Variants in GPR158 observed in about 807,000 individuals in gnomAD.
GPR158 encodes metabotropic glycine receptor.
GPR158 carries 30 observed loss-of-function variants against 78.2 expected under a neutral mutation model. The ratio of observed to expected loss-of-function variants is 0.38; its 90% CI spans 0.29 to 0.52. The LOEUF (loss-of-function observed/expected upper bound fraction) is 0.52, where lower values mean the gene tolerates loss of function less well. GPR158 is among the 20% of genes least tolerant of loss of function. GPR158 has a pLI of 0.83. For synonymous variants in GPR158, 581 were observed against 591.1 expected, an observed-to-expected ratio of 0.98 and a Z score of 0.25; for missense variants, 1,463 against 1,523.5, an observed-to-expected ratio of 0.96 and a Z score of 0.66.
At chr10:25,348,394 A>AACAC (rs1428933193) in intron 2 of GPR158, among the ~76,000 whole-genome samples, 1 of 101,372 alleles carries the variant, frequency 9.9e-6, no homozygotes, top group South Asian at 3.3e-4. Flanking sequence ...TTTAGGAAGA[A>AACAC]AGACACACAC....
intron 5 of GPR158, among the ~76,000 whole-genome samples, chr10:25,536,642 C>T (rs572629535): frequency 2.4e-4 from 36 of 152,240 alleles, no homozygotes; most frequent in African/African-American, 8.7e-4. Context: ...ACCTCTCTGC[C>T]AAATATCTTA....
At chr10:25,554,042 A>T (rs202048715) in intron 6 of GPR158, among the ~76,000 whole-genome samples, 1 of 152,164 alleles carries the variant, frequency 6.6e-6, no homozygotes, top group East Asian at 1.9e-4. Flanking sequence ...GAAATGGATT[A>T]TGGCTAAATT....
At chr10:25,378,905 C>G (rs1834119360) in intron 2 of GPR158, among the ~76,000 whole-genome samples, 1 of 152,138 alleles carries the variant, frequency 6.6e-6, no homozygotes, top group Non-Finnish European at 1.5e-5. Context: ...GATCCTCCTA[C>G]TTCAGCCCCG....
chr10:25,410,617 A>AAAATAAAT (rs967773293), intron 3 of GPR158, among the ~76,000 whole-genome samples: 1 of 152,138 alleles, frequency 6.6e-6, no homozygotes, highest in Non-Finnish European at 1.5e-5. Context: ...CTCCATCACA[A>AAAATAAAT]AAATAAATAA....
intron 2 of GPR158, among the ~76,000 whole-genome samples, chr10:25,373,516 A>G (rs1373852457): frequency 6.6e-6 from 1 of 151,934 alleles, no homozygotes; most frequent in Non-Finnish European, 1.5e-5. Context: ...CTTTGGGTTT[A>G]TACAATATTG....
At chr10:25,355,448 C>A (rs776094345) in intron 2 of GPR158, among the ~76,000 whole-genome samples, 2 of 152,026 alleles carry the variant, frequency 1.3e-5, no homozygotes, top group African/African-American at 4.8e-5. Flanking sequence ...TACTGGAGAT[C>A]ACAGAGTTTC....
At chr10:25,186,450 G>T (rs111579268) in intron 1 of GPR158, among the ~76,000 whole-genome samples, 11,241 of 152,036 alleles carry the variant, frequency 0.074, 594 homozygotes, top group East Asian at 0.24. Flanking sequence ...TTTTTGAAAA[G>T]ATCAACAAAA....
intron 7 of GPR158, 137 bp from the exon 8 acceptor site, chr10:25,588,870 T>C (rs1215019632): frequency 1.1e-5 from 5 of 467,646 alleles, no homozygotes; most frequent in Non-Finnish European, 1.9e-5. Context: ...ATGGCATTTG[T>C]ATTTGTATGT....
At chr10:25,525,226 C>A (rs1361315559) in intron 5 of GPR158, among the ~76,000 whole-genome samples, 1 of 152,140 alleles carries the variant, frequency 6.6e-6, no homozygotes, top group Non-Finnish European at 1.5e-5. Context: ...TGAAAATTTT[C>A]TCAAAATGTT....
In GPR158 at chr10:25,395,943, T is replaced by C; in HGVS notation, c.1041T>C (p.Leu347=). The part of the protein sequence containing the change: ...CMPIKGLGFV[L]GAYECICKAG... Reference sequence around the variant, plus strand: ...CAATTAAAGGCCTAGGATTCGTTCTTGGAGCCTATGAGTGCATTTGCAAAG... The same window carrying C: ...CAATTAAAGGCCTAGGATTCGTTCTCGGAGCCTATGAGTGCATTTGCAAAG... The change falls in exon 3 of 11, where the codon CTT becomes CTC. Residue 347 remains leucine, a synonymous_variant. Coordinates refer to ENST00000376351, the MANE Select transcript of GPR158 (RefSeq NM_020752.3). 1.2e-6 allele frequency: 2 copies of C among 1,607,338 alleles called. No individual in the cohort carries two copies. Among genetic ancestry groups the C allele is most frequent in the East Asian group, 4.5e-5 (2 of 44,786 alleles).
intron 2 of GPR158, among the ~76,000 whole-genome samples, chr10:25,242,033 G>A (rs1442892457): frequency 6.6e-6 from 1 of 152,192 alleles, no homozygotes; most frequent in African/African-American, 2.4e-5. Flanking sequence ...TGAGTGAAAT[G>A]TTTCTATAAA....
chr10:25,386,495 T>C (rs535534382), intron 2 of GPR158, among the ~76,000 whole-genome samples: 36 of 152,338 alleles, frequency 2.4e-4, no homozygotes, highest in Non-Finnish European at 4.4e-4. Context: ...TGATATGGAT[T>C]ACATTCAATC....
intron 4 of GPR158, among the ~76,000 whole-genome samples, chr10:25,425,724 A>G (rs1834811648): frequency 6.6e-6 from 1 of 152,108 alleles, no homozygotes; most frequent in Non-Finnish European, 1.5e-5. Context: ...ATCCCATTTT[A>G]TGGGTTATTT....
intron 5 of GPR158, among the ~76,000 whole-genome samples, chr10:25,542,190 C>T (rs1054259764): frequency 3.3e-5 from 5 of 152,020 alleles, no homozygotes; most frequent in African/African-American, 9.7e-5. Context: ...AAGCACATAA[C>T]ACCTCACTTA....
chr10:25,223,108 A>G (rs577610842), intron 2 of GPR158, among the ~76,000 whole-genome samples: 1 of 152,356 alleles, frequency 6.6e-6, no homozygotes, highest in Admixed American at 6.5e-5. Context: ...TCTGATTAAC[A>G]AAGTTTAGGT....
At chr10:25,397,556 C>T (rs2130531115) in intron 3 of GPR158, among the ~76,000 whole-genome samples, 1 of 152,280 alleles carries the variant, frequency 6.6e-6, no homozygotes, top group African/African-American at 2.4e-5. Context: ...TTTTGGTAGA[C>T]ATTTATAGAT....
chr10:25,498,378 G>A (rs12248413), intron 5 of GPR158, among the ~76,000 whole-genome samples: 11,989 of 152,154 alleles, frequency 0.079, 550 homozygotes, highest in African/African-American at 0.12. Context: ...AGACCTCTTT[G>A]TAATGTAGTG....
At chr10:25,333,853 G>A (rs1414054191) in intron 2 of GPR158, among the ~76,000 whole-genome samples, 1 of 151,982 alleles carries the variant, frequency 6.6e-6, no homozygotes. Flanking sequence ...GAAAATGACT[G>A]GGCAGAGCTT....
At chr10:25,433,558 T>TTGTGTGTGC (rs1834946276) in intron 4 of GPR158, among the ~76,000 whole-genome samples, 1 of 84,806 alleles carries the variant, frequency 1.2e-5, no homozygotes, top group African/African-American at 3.9e-5. Flanking sequence ...TGTGTGTGTG[T>TTGTGTGTGC]GTGTGTGTGT....
Sources: gnomAD v4.1 joint callset for allele counts (sites outside exome capture counted in the v4.1 genomes callset) on GRCh38, gnomAD v4.1.1 for gene constraint, MANE v1.5 for transcripts, NCBI Gene and HGNC (gene_info 2026-07-23, HGNC 2026-07-21) for gene names.